The following MALRD1 variants were observed in gnomAD, a reference collection of about 807,000 sequenced individuals.
MALRD1 encodes MAM and LDL-receptor class A domain-containing protein 1.
In MALRD1, 247 loss-of-function variants were observed where a neutral mutation model predicts 242.1. The observed-to-expected ratio is 1.02, with a 90% CI of 0.92 to 1.13. The LOEUF (loss-of-function observed/expected upper bound fraction) is 1.13. Ranked by LOEUF, MALRD1 falls within the 50% of genes most tolerant of loss-of-function variation. The pLI is 0.00. For synonymous variants in MALRD1, 995 were observed against 866.6 expected (o/e 1.15, Z -2.60); for missense variants, 2,989 against 2,533.1 (o/e 1.18, Z -3.86).
rs902914702 is a variant in MALRD1 at position 19,205,150 on chromosome 10, G to A, written c.2463G>A (p.Glu821=). ...ATTGTACTCTCCCTCTTCCTGCTGA[G>A]AGCTGTGAAGGGCTGGATCATTTCT... ...FENCTLPLPA[E]SCEGLDHFWC... Residue 821 remains glutamate (E), a synonymous_variant, in exon 17 of 40, where the codon GAG becomes GAA. Coordinates refer to ENST00000454679, the MANE Select transcript of MALRD1 (RefSeq NM_001142308.3). The A allele has an allele frequency of 6.4e-7, 1 of 1,550,778 alleles. No homozygotes were observed. The highest frequency in any genetic ancestry group is 1.4e-5 in the African/African-American group (1 of 73,018).
At chr10:19,607,110 G>A (rs948327845) in intron 34 of MALRD1, among the ~76,000 whole-genome samples, 11 of 152,260 alleles carry the variant, frequency 7.2e-5, no homozygotes, top group African/African-American at 2.4e-4. Flanking sequence ...ATGAGTATTA[G>A]CATCTCTATG....
Position 19,171,457 on chromosome 10 carries a change from T to TATATATATACAC in MALRD1, c.1831-3750_1831-3749insTATATATACACA, listed in dbSNP as rs1166665866. On this transcript the variant is annotated intron_variant, in intron 13 of 39. Transcript: ENST00000454679. The stretch of plus-strand genomic sequence containing the variant: ...ATATATATATATATATATATATATA[T>TATATATATACAC]ACACACATGTATATACACACACACA... Among the ~76,000 whole-genome samples, 61 of 74,536 alleles carry TATATATATACAC rather than the reference T, an allele frequency of 8.2e-4. 1 individual carries two copies. The East Asian group carries it at 9.9e-3, about 12-fold the overall frequency. 48.9% of individuals were successfully genotyped at this position (74,536 alleles called of 152,430 possible). A position where few individuals can be genotyped will look rare whatever the true frequency, so the allele number is the denominator to read the frequency against.
intron 38 of MALRD1, among the ~76,000 whole-genome samples, chr10:19,713,899 T>C (rs988274556): frequency 2.6e-5 from 4 of 152,220 alleles, no homozygotes; most frequent in African/African-American, 9.6e-5. Flanking sequence ...GTCCCTTTAT[T>C]GCTCTTGCAG....
intron 12 of MALRD1, among the ~76,000 whole-genome samples, chr10:19,159,307 G>A (rs952441675): frequency 1.3e-5 from 2 of 152,010 alleles, no homozygotes; most frequent in East Asian, 1.9e-4. Context: ...ATTTTGAGGA[G>A]CTATAGATAT....
At chr10:19,399,563 T>A (rs1846737505) in intron 28 of MALRD1, among the ~76,000 whole-genome samples, 1 of 152,166 alleles carries the variant, frequency 6.6e-6, no homozygotes, top group Admixed American at 6.5e-5. Flanking sequence ...AGTCCGTTTT[T>A]ACCAATTACA....
chr10:19,167,633 A>G (rs148873274), intron 13 of MALRD1, among the ~76,000 whole-genome samples: 2 of 152,338 alleles, frequency 1.3e-5, no homozygotes, highest in African/African-American at 2.4e-5. Flanking sequence ...CTGGAGAAAT[A>G]TAGAGCTCAT....
chr10:19,081,276 A>G (rs1263300151), intron 2 of MALRD1, among the ~76,000 whole-genome samples: 1 of 152,160 alleles, frequency 6.6e-6, no homozygotes, highest in Non-Finnish European at 1.5e-5. Flanking sequence ...ATATAACCAA[A>G]TAAATATAAA....
chr10:19,221,519 G>A (rs943480401), intron 18 of MALRD1, among the ~76,000 whole-genome samples: 2 of 152,092 alleles, frequency 1.3e-5, no homozygotes, highest in East Asian at 1.9e-4. Context: ...AATTTAAAAT[G>A]TAACGGCAGT....
At chr10:19,307,123 A>G (rs748378016) in intron 21 of MALRD1, among the ~76,000 whole-genome samples, 8 of 151,536 alleles carry the variant, frequency 5.3e-5, no homozygotes, top group Non-Finnish European at 1.2e-4. Context: ...GACATAAACA[A>G]TATTATTGTT....
At chr10:19,532,412 G>A (rs368370079) in intron 32 of MALRD1, among the ~76,000 whole-genome samples, 2 of 151,940 alleles carry the variant, frequency 1.3e-5, no homozygotes, top group Non-Finnish European at 2.9e-5. Context: ...GCATCACCAC[G>A]TCCAGCTAAT....
intron 29 of MALRD1, among the ~76,000 whole-genome samples, chr10:19,481,847 C>T (rs1163624977): frequency 6.6e-6 from 1 of 152,060 alleles, no homozygotes; most frequent in Non-Finnish European, 1.5e-5. Context: ...CAAGCTGGGG[C>T]TGCTTTTATT....
chr10:19,108,243 GA>G (rs1472988645), intron 5 of MALRD1, among the ~76,000 whole-genome samples: 11 of 151,794 alleles, frequency 7.2e-5, no homozygotes, highest in Non-Finnish European at 1.3e-4. Flanking sequence ...TTCAAGTTCA[GA>G]ACATCCTTGT....
intron 12 of MALRD1, among the ~76,000 whole-genome samples, chr10:19,164,767 A>G (rs1402579387): frequency 1.3e-5 from 2 of 152,168 alleles, no homozygotes; most frequent in East Asian, 1.9e-4. Flanking sequence ...GGCTACTGCT[A>G]TCAGCACCTG....
At chr10:19,684,027 T>G (rs1842477111) in intron 36 of MALRD1, among the ~76,000 whole-genome samples, 1 of 152,152 alleles carries the variant, frequency 6.6e-6, no homozygotes, top group Admixed American at 6.5e-5. Context: ...GAACATGCAA[T>G]GTTTGGTTTT....
intron 28 of MALRD1, among the ~76,000 whole-genome samples, chr10:19,394,597 G>C (rs1846494092): frequency 6.6e-6 from 1 of 152,112 alleles, no homozygotes; most frequent in Non-Finnish European, 1.5e-5. Context: ...TTCATGGTAA[G>C]CTCTCTGCAT....
In MALRD1 at chr10:19,123,286, C is replaced by T. The variant is rs79612384; in HGVS notation, c.695-206C>T. 1.1e-4 allele frequency among the ~76,000 whole-genome samples: 16 copies of T among 149,670 alleles called. 1 individual carries two copies. In the South Asian group the frequency reaches 3.4e-3, roughly 32 times the overall value. The stretch of plus-strand genomic sequence containing the variant: ...GTTGTTTTGTTCTGTTTTTCTCTGT[C>T]TCTATTTGAGTGGTGTGTATGTGTG... On this transcript the variant is annotated intron_variant, in intron 5 of 39. Coordinates refer to ENST00000454679, the MANE Select transcript of MALRD1 (RefSeq NM_001142308.3).
intron 29 of MALRD1, among the ~76,000 whole-genome samples, chr10:19,471,745 C>G (rs936670999): frequency 1.3e-5 from 2 of 150,750 alleles, no homozygotes; most frequent in African/African-American, 4.9e-5. Context: ...TGAAGAAACA[C>G]TACTGATTTT....
chr10:19,246,660 G>A (rs1839062324), intron 18 of MALRD1, among the ~76,000 whole-genome samples: 1 of 152,094 alleles, frequency 6.6e-6, no homozygotes, highest in Non-Finnish European at 1.5e-5. Flanking sequence ...AAGCTGAGGT[G>A]ATTGCTTGAA....
intron 31 of MALRD1, among the ~76,000 whole-genome samples, chr10:19,521,084 GAATC>G (rs1312504857): frequency 6.6e-6 from 1 of 152,118 alleles, no homozygotes; most frequent in Non-Finnish European, 1.5e-5. Flanking sequence ...ACATGTGAAT[GAATC>G]AGTTCATTTG....
Sources: gnomAD v4.1 joint callset for allele counts (sites outside exome capture counted in the v4.1 genomes callset) on GRCh38, gnomAD v4.1.1 for gene constraint, MANE v1.5 for transcripts, NCBI Gene and HGNC (gene_info 2026-07-23, HGNC 2026-07-21) for gene names.